IAPP: variants seen among roughly 807,000 people sequenced by gnomAD.
The protein encoded by IAPP is islet amyloid polypeptide, also known as Islet amyloid polypeptide (diabetes-associated peptide; amylin).
IAPP carries 4 observed loss-of-function variants against 2.9 expected under a neutral mutation model. That is an observed-to-expected ratio of 1.39 (90% CI 0.69 to 3.19). The LOEUF (loss-of-function observed/expected upper bound fraction) is 3.19, where lower values mean the gene tolerates loss of function less well. Among genes scored for constraint, IAPP ranks in the 30% most tolerant of loss-of-function variants. IAPP has a pLI of 0.01. For missense variants in IAPP, 114 were observed against 105.3 expected (o/e 1.08, Z -0.36); for synonymous variants, 40 against 42.1 (o/e 0.95, Z 0.19).
rs1938427799 is a variant in IAPP, at chr12:21,357,093, T to C, written c.-16+2080T>C. ...ATAAAAACAAACAAACACTATAGAA[T>C]GTCCAGAAAACCTTTATGGGTTGAA... On this transcript the variant is annotated intron_variant, in intron 1 of 2. Transcript: ENST00000539393. 2.0e-5 allele frequency among the ~76,000 whole-genome samples: 3 copies of C among 152,278 alleles called. No homozygotes were observed. In the South Asian group the frequency reaches 6.2e-4, roughly 32 times the overall value.
intron 1 of IAPP, among the ~76,000 whole-genome samples, chr12:21,361,554 CAGA>C (rs2137049259): frequency 6.6e-6 from 1 of 152,262 alleles, no homozygotes; most frequent in South Asian, 2.1e-4. Context: ...GACGAGTTGA[CAGA>C]AGAAGGCTTC....
At chr12:21,370,971 G>A (rs375258041), upstream of IAPP, among the ~76,000 whole-genome samples, 6 of 152,158 alleles carry the variant, frequency 3.9e-5, no homozygotes, top group East Asian at 1.9e-4. Flanking sequence ...TTGAAGAGGC[G>A]GTGTTACAGC....
At chr12:21,362,638 T>C (rs2137053806) in intron 1 of IAPP, among the ~76,000 whole-genome samples, 1 of 152,096 alleles carries the variant, frequency 6.6e-6, no homozygotes, top group Admixed American at 6.5e-5. Context: ...CATCAGTGTG[T>C]GGTATTCAGG....
At chr12:21,362,665 CAG>C (rs976675294) in intron 1 of IAPP, among the ~76,000 whole-genome samples, 30 of 152,086 alleles carry the variant, frequency 2.0e-4, no homozygotes, top group African/African-American at 7.0e-4. Flanking sequence ...ATCTCACACG[CAG>C]AGACACGCAT....
upstream of IAPP, among the ~76,000 whole-genome samples, chr12:21,370,671 A>G (rs138228521): frequency 6.6e-6 from 1 of 152,276 alleles, no homozygotes; most frequent in East Asian, 1.9e-4. Context: ...AGAGAAACAA[A>G]AAAGGTTATG....
rs1015093338 is a variant in IAPP at position 21,379,359 on chromosome 12, T to C, written c.*933T>C. ...AGCAGCAGTGAGCTTCTATTAAATG[T>C]ATATGTCATTTATTTTGTTTAAGTG... is the stretch of plus-strand genomic sequence containing the variant. On this transcript the variant is annotated 3_prime_UTR_variant, in exon 3 of 3. Transcript: ENST00000240652. The C allele has an allele frequency of 6.6e-6, 1 of 152,250 alleles. No homozygotes were observed. Among genetic ancestry groups the C allele is most frequent in the Non-Finnish European group, 1.5e-5 (1 of 68,040 alleles). 9.4% of individuals were successfully genotyped at this position (152,250 alleles called of 1,614,324 possible).
intron 1 of IAPP, among the ~76,000 whole-genome samples, chr12:21,364,662 C>A (rs1233961085): frequency 6.6e-6 from 1 of 152,146 alleles, no homozygotes; most frequent in Admixed American, 6.5e-5. Context: ...CATCTCAGCC[C>A]AAAATCTCCT....
At chr12:21,355,569 T>G (rs528437731) in intron 1 of IAPP, among the ~76,000 whole-genome samples, 1 of 152,272 alleles carries the variant, frequency 6.6e-6, no homozygotes, top group Middle Eastern at 3.4e-3. Context: ...TTTCCTATAT[T>G]ACCCTTAATC....
chr12:21,371,359 A>T (rs1432920985), upstream of IAPP, among the ~76,000 whole-genome samples: 1 of 151,966 alleles, frequency 6.6e-6, no homozygotes, highest in Non-Finnish European at 1.5e-5. Flanking sequence ...TGTTAAGTAC[A>T]TTATCTTCTT....
intron 2 of IAPP, among the ~76,000 whole-genome samples, chr12:21,377,998 C>CT (rs1321382361): frequency 3.3e-5 from 5 of 152,040 alleles, no homozygotes; most frequent in Admixed American, 6.6e-5. Flanking sequence ...CAAAGGAAGA[C>CT]TTTTAACTGA....
At chr12:21,371,831 C>T (rs1227966619), upstream of IAPP, among the ~76,000 whole-genome samples, 3 of 151,894 alleles carry the variant, frequency 2.0e-5, no homozygotes, top group Non-Finnish European at 4.4e-5. Flanking sequence ...AGAGAATCCC[C>T]GTCTCCACTA....
chr12:21,379,225 C>G lies in IAPP; in HGVS notation c.*799C>G, dbSNP rs1054955703. On this transcript the variant is annotated 3_prime_UTR_variant, in exon 3 of 3. Transcript: ENST00000240652. Reference sequence around the variant, plus strand: ...CAAAGAAATAAAATCCTGCTCCTGACTCGGTCAAAATATTTTTTAAAGTCT... The same window carrying G: ...CAAAGAAATAAAATCCTGCTCCTGAGTCGGTCAAAATATTTTTTAAAGTCT... The G allele has an allele frequency of 1.3e-5, 2 of 152,182 alleles. No homozygotes were observed. Among genetic ancestry groups the G allele is most frequent in the Non-Finnish European group, 2.9e-5 (2 of 68,042 alleles). The allele number at this position is 152,182 out of a possible 1,614,324, so 9.4% of individuals were successfully genotyped here.
rs557712402 is a variant in IAPP, at chr12:21,358,603, T to A, written c.-16+3590T>A. 5.8e-4 allele frequency among the ~76,000 whole-genome samples: 88 copies of A among 152,284 alleles called. No homozygotes were observed. The South Asian group carries it at 0.016, about 28-fold the overall frequency. ...TATATAGATAATTTTGTGTCTTATA[T>A]TTTATCACTAGTTAATACTTTTCAA... is the stretch of plus-strand genomic sequence containing the variant. On this transcript the variant is annotated intron_variant, in intron 1 of 2. Coordinates refer to the IAPP transcript ENST00000539393.
At position 21,373,384 on chromosome 12, in the gene IAPP, T is replaced by C. The variant is rs767861030; in HGVS notation, c.33T>C (p.Ile11=). The C allele has an allele frequency of 6.2e-6, 10 of 1,613,678 alleles. No individual in the cohort carries two copies. In the South Asian group the frequency reaches 1.1e-4, roughly 18 times the overall value. The change falls in exon 2 of 3, where the codon ATT becomes ATC. Residue 11 remains isoleucine, a synonymous_variant. Coordinates refer to ENST00000240652, the MANE Select transcript of IAPP (RefSeq NM_000415.3). Reference sequence around the variant, plus strand: ...TCCTGAAGCTGCAAGTATTTCTCATTGTGCTCTCTGTTGCATTGAACCATC... The same window carrying C: ...TCCTGAAGCTGCAAGTATTTCTCATCGTGCTCTCTGTTGCATTGAACCATC... MGILKLQVFL[I]VLSVALNHLK...
intron 2 of IAPP, among the ~76,000 whole-genome samples, chr12:21,375,606 G>A (rs1161125549): frequency 6.6e-6 from 1 of 152,116 alleles, no homozygotes; most frequent in African/African-American, 2.4e-5. Context: ...TCAAAGGATA[G>A]TTAAAAATAT....
At chr12:21,366,423 A>G (rs1483547451) in intron 1 of IAPP, among the ~76,000 whole-genome samples, 2 of 152,058 alleles carry the variant, frequency 1.3e-5, no homozygotes, top group Non-Finnish European at 2.9e-5. Flanking sequence ...GAGGGATAGC[A>G]TTAGGAGATA....
chr12:21,369,971 C>T (rs1002133411), upstream of IAPP, among the ~76,000 whole-genome samples: 9 of 152,086 alleles, frequency 5.9e-5, no homozygotes, highest in South Asian at 2.1e-4. Context: ...AAACATTATA[C>T]GAGACAGACC....
At chr12:21,360,124 C>T (rs1314053259) in intron 1 of IAPP, among the ~76,000 whole-genome samples, 1 of 151,734 alleles carries the variant, frequency 6.6e-6, no homozygotes, top group Non-Finnish European at 1.5e-5. Context: ...GCAGCAGTTA[C>T]CTGAGGAGTG....
intron 1 of IAPP, among the ~76,000 whole-genome samples, chr12:21,361,269 A>C (rs1938850320): frequency 1.3e-5 from 2 of 152,236 alleles, no homozygotes; most frequent in Non-Finnish European, 1.5e-5. Context: ...TACCCAGGCA[A>C]ACAGGGTCTG....
Sources: gnomAD v4.1 joint callset for allele counts (sites outside exome capture counted in the v4.1 genomes callset) on GRCh38, gnomAD v4.1.1 for gene constraint, MANE v1.5 for transcripts, NCBI Gene and HGNC (gene_info 2026-07-23, HGNC 2026-07-21) for gene names.